Variants in HHIP observed in about 807,000 individuals in gnomAD.
The protein encoded by HHIP is hedgehog-interacting protein.
A neutral mutation model predicts 74.0 loss-of-function variants in HHIP; 12 were observed. That is an observed-to-expected ratio of 0.16 (90% confidence interval 0.10 to 0.26). The LOEUF (loss-of-function observed/expected upper bound fraction) is 0.26. Among genes scored for constraint, HHIP ranks in the 10% least tolerant of loss-of-function variants. The probability of loss-of-function intolerance (pLI) is 1.00; values close to 1 mark genes in which losing one functional copy is unlikely to be tolerated. For missense variants in HHIP, 788 were observed against 845.0 expected, an observed-to-expected ratio of 0.93 and a Z score of 0.84; for synonymous variants, 309 against 311.6, an observed-to-expected ratio of 0.99 and a Z score of 0.09.
At chr4:144,647,073 C>T (rs2126568530) in intron 1 of HHIP, 119 bp downstream of exon 1, 5 of 821,692 alleles carry the variant, frequency 6.1e-6, no homozygotes, top group Non-Finnish European at 9.5e-6. Context: ...GGAGTTCTTT[C>T]CATAACTTTT....
chr4:144,728,285 G>C (rs1730853739), intron 11 of HHIP, among the ~76,000 whole-genome samples: 2 of 152,174 alleles, frequency 1.3e-5, no homozygotes, highest in African/African-American at 2.4e-5. Flanking sequence ...AGTTCAACCT[G>C]TGAGGATGAG....
rs369241661 is a variant in HHIP at position 144,712,042 on chromosome 4, T to C, written c.1394T>C (p.Ile465Thr). ...GGAAAAAACAGATCATCAGCCAGAA[T>C]TCTACAGATAATAAAGGGGAAAGAT... ...SNGKNRSSARILQIIKGKDYE... is the reference protein window; with the variant it reads ...SNGKNRSSARTLQIIKGKDYE... Residue 465 changes from isoleucine to threonine, a missense_variant, in exon 8 of 13, where the codon ATT (isoleucine) becomes ACT (threonine). By Grantham distance (89) the Ile-to-Thr change is moderately conservative. Coordinates refer to ENST00000296575, the MANE Select transcript of HHIP (RefSeq NM_022475.3). The C allele has an allele frequency of 5.0e-6, 8 of 1,613,126 alleles. No individual in the cohort carries two copies. Among genetic ancestry groups the C allele is most frequent in the Non-Finnish European group, 6.8e-6 (8 of 1,179,204 alleles).
intron 7 of HHIP, among the ~76,000 whole-genome samples, chr4:144,711,149 T>A (rs1730286396): frequency 1.3e-5 from 2 of 152,132 alleles, no homozygotes; most frequent in Non-Finnish European, 2.9e-5. Context: ...GTAAAAGACC[T>A]CGATATTTGT....
chr4:144,717,516 A>G (rs1261490554), intron 10 of HHIP, among the ~76,000 whole-genome samples: 1 of 152,174 alleles, frequency 6.6e-6, no homozygotes, highest in Non-Finnish European at 1.5e-5. Context: ...ATGGGGGAGG[A>G]CCAAATATAA....
At chr4:144,696,587 A>G (rs896053361) in intron 4 of HHIP, among the ~76,000 whole-genome samples, 3 of 151,898 alleles carry the variant, frequency 2.0e-5, no homozygotes, top group African/African-American at 7.2e-5. Flanking sequence ...TTTAGGAAGT[A>G]CTTGGTAGGG....
intron 11 of HHIP, among the ~76,000 whole-genome samples, chr4:144,719,957 T>C (rs1346537947): frequency 6.6e-6 from 1 of 152,210 alleles, no homozygotes; most frequent in Non-Finnish European, 1.5e-5. Flanking sequence ...TGAGATTTTG[T>C]CCTTTTTCTA....
In HHIP at chr4:144,737,890, C is replaced by T; in HGVS notation, c.2036C>T (p.Ala679Val). The T allele has an allele frequency of 1.2e-6, 2 of 1,613,628 alleles. No individual in the cohort carries two copies. Among genetic ancestry groups the T allele is most frequent in the Non-Finnish European group, 1.7e-6 (2 of 1,179,702 alleles). The part of the protein sequence containing the change: ...VDRNIRRVTR[A>V]GILDQIIDMT... Reference sequence around the variant, plus strand: ...AGAAACATCCGCAGAGTGACCAGGGCAGGTATTCTTGATCAGATCATTGAC... The same window carrying T: ...AGAAACATCCGCAGAGTGACCAGGGTAGGTATTCTTGATCAGATCATTGAC... Residue 679 changes from alanine to valine, a missense_variant, in exon 13 of 13, where the codon GCA (alanine) becomes GTA (valine). Transcript: ENST00000296575.
chr4:144,680,193 G>C (rs544209670), intron 4 of HHIP, among the ~76,000 whole-genome samples: 2 of 151,974 alleles, frequency 1.3e-5, no homozygotes, highest in Non-Finnish European at 2.9e-5. Context: ...CATGATTTTA[G>C]TTTTTTCTGA....
chr4:144,680,185 T>C (rs564553103), intron 4 of HHIP, among the ~76,000 whole-genome samples: 1 of 152,328 alleles, frequency 6.6e-6, no homozygotes, highest in Non-Finnish European at 1.5e-5. Flanking sequence ...TTATATGACA[T>C]GATTTTAGTT....
At chr4:144,663,350 C>T (rs1373806425) in intron 4 of HHIP, among the ~76,000 whole-genome samples, 3 of 152,118 alleles carry the variant, frequency 2.0e-5, no homozygotes, top group African/African-American at 7.2e-5. Context: ...GGGGTTGGCA[C>T]CCAGGCATCA....
chr4:144,706,743 A>G (rs182925343), intron 5 of HHIP, 61 bp downstream of exon 5: 51 of 1,487,946 alleles, frequency 3.4e-5, no homozygotes, highest in African/African-American at 2.8e-5. Context: ...TCATCTTTTC[A>G]TAAGTTTTTT....
chr4:144,710,059 C>A (rs1730249681), intron 7 of HHIP, among the ~76,000 whole-genome samples: 1 of 152,096 alleles, frequency 6.6e-6, no homozygotes, highest in Admixed American at 6.6e-5. Context: ...GTTTCACTGG[C>A]AGGGCCCTTT....
chr4:144,687,005 G>T (rs1197332889), intron 4 of HHIP, among the ~76,000 whole-genome samples: 1 of 151,782 alleles, frequency 6.6e-6, no homozygotes, highest in Non-Finnish European at 1.5e-5. Flanking sequence ...TGACAGAGTG[G>T]CTTAAAATAA....
At chr4:144,682,386 G>A (rs981378329) in intron 4 of HHIP, among the ~76,000 whole-genome samples, 1 of 152,226 alleles carries the variant, frequency 6.6e-6, no homozygotes, top group Non-Finnish European at 1.5e-5. Flanking sequence ...ATGGCACCAC[G>A]TTTTGACAAA....
intron 1 of HHIP, among the ~76,000 whole-genome samples, chr4:144,652,127 A>G (rs1449580582): frequency 6.6e-6 from 1 of 152,130 alleles, no homozygotes; most frequent in Admixed American, 6.6e-5. Context: ...AATGTAACCC[A>G]AGTATATTTT....
chr4:144,712,200 C>A, intron 8 of HHIP, 129 bp downstream of exon 8: 1 of 759,966 alleles, frequency 1.3e-6, no homozygotes, highest in Non-Finnish European at 2.2e-6. Flanking sequence ...GCCTAACAAT[C>A]ATGCAGGAGT....
chr4:144,701,361 T>C (rs1729980593), intron 4 of HHIP, among the ~76,000 whole-genome samples: 1 of 151,188 alleles, frequency 6.6e-6, no homozygotes, highest in Non-Finnish European at 1.5e-5. Flanking sequence ...TGGAGAAAGC[T>C]CAGGTGCCAA....
At chr4:144,659,615 C>T (rs377040214) in intron 3 of HHIP, 22 bp from the exon 4 acceptor site, 10 of 1,416,758 alleles carry the variant, frequency 7.1e-6, no homozygotes, top group South Asian at 1.8e-5. Flanking sequence ...AAAAGCTTAC[C>T]GGTTTTCTTT....
intron 11 of HHIP, 134 bp from the exon 12 acceptor site, chr4:144,734,607 C>CT (rs1731053807): frequency 3.5e-6 from 2 of 578,302 alleles, no homozygotes; most frequent in Non-Finnish European, 5.5e-6. Context: ...GTAAATCTGA[C>CT]TGAGTCACTT....
Sources: gnomAD v4.1 joint callset for allele counts (sites outside exome capture counted in the v4.1 genomes callset) on GRCh38, gnomAD v4.1.1 for gene constraint, MANE v1.5 for transcripts, NCBI Gene and HGNC (gene_info 2026-07-23, HGNC 2026-07-21) for gene names.